DNAJC1: variants seen among roughly 807,000 people sequenced by gnomAD.
DNAJC1 encodes the protein dnaJ homolog subfamily C member 1.
A neutral mutation model predicts 76.6 loss-of-function variants in DNAJC1; 58 were observed. The observed-to-expected ratio is 0.76, with a 90% CI of 0.61 to 0.94. The LOEUF (loss-of-function observed/expected upper bound fraction) is 0.94, where lower values mean the gene tolerates loss of function less well. DNAJC1 is among the 40% of genes least tolerant of loss of function. The pLI is 0.00. For synonymous variants in DNAJC1, 258 were observed against 267.9 expected, an observed-to-expected ratio of 0.96 and a Z score of 0.36; for missense variants, 689 against 677.3, an observed-to-expected ratio of 1.02 and a Z score of -0.19.
chr10:21,759,314 GCT>G lies in DNAJC1; in HGVS notation c.1450_1451del (p.Ser484ProfsTer34). The G allele has an allele frequency of 6.2e-7, 1 of 1,614,222 alleles. No homozygotes were observed. The highest frequency in any genetic ancestry group is 8.5e-7 in the Non-Finnish European group (1 of 1,180,048). On this transcript the variant is annotated frameshift_variant, in exon 11 of 12. Coordinates refer to ENST00000376980, the MANE Select transcript of DNAJC1 (RefSeq NM_022365.4). LOFTEE classifies it high-confidence loss of function. ...CAGACCGAGCTCTCTCTTTTCTCAG[GCT>G]CTCCTCGTCGCTGGACTCGTTTTGT... ...AEQNESSDEE[S>X]LRKERARSAE...
At chr10:21,833,835 C>T (rs953789716) in intron 8 of DNAJC1, among the ~76,000 whole-genome samples, 31 of 152,190 alleles carry the variant, frequency 2.0e-4, no homozygotes, top group Non-Finnish European at 3.4e-4. Flanking sequence ...AAAATTACCA[C>T]CAACAAAATA....
At chr10:21,763,210 C>T (rs541646414) in intron 10 of DNAJC1, among the ~76,000 whole-genome samples, 3 of 152,300 alleles carry the variant, frequency 2.0e-5, no homozygotes, top group South Asian at 2.1e-4. Flanking sequence ...GGATTACAGG[C>T]GTGAGGCACC....
chr10:21,757,887 T>A (rs1236922727), intron 11 of DNAJC1, among the ~76,000 whole-genome samples: 2 of 152,116 alleles, frequency 1.3e-5, no homozygotes, highest in African/African-American at 4.8e-5. Context: ...GCCCCCCAGG[T>A]ATGAGTTTCT....
intron 1 of DNAJC1, among the ~76,000 whole-genome samples, chr10:21,951,097 G>A (rs1048187136): frequency 2.0e-5 from 3 of 152,110 alleles, no homozygotes; most frequent in Non-Finnish European, 2.9e-5. Context: ...CAAGGCAGGC[G>A]GATCACAAAG....
At chr10:21,882,830 T>TA (rs1036781384) in intron 7 of DNAJC1, among the ~76,000 whole-genome samples, 5 of 152,034 alleles carry the variant, frequency 3.3e-5, no homozygotes, top group African/African-American at 1.2e-4. Flanking sequence ...TTCTCATCTA[T>TA]AAAAAAAACC....
rs577699413 is a variant in DNAJC1, at chr10:21,850,185, G to A, written c.978+32097C>T. Among the ~76,000 whole-genome samples, 111 of 152,146 alleles carry A rather than the reference G, an allele frequency of 7.3e-4. 1 individual carries two copies. The highest frequency in any genetic ancestry group is 2.3e-3 in the African/African-American group (95 of 41,524). ...GGAAGGAAAAAGTAAAATTATCTCC[G>A]TTCACAGATATCATCTGATATGTAG... On this transcript the variant is annotated intron_variant, in intron 8 of 11. Coordinates refer to ENST00000376980, the MANE Select transcript of DNAJC1 (RefSeq NM_022365.4).
intron 1 of DNAJC1, among the ~76,000 whole-genome samples, chr10:21,976,000 A>G (rs763612926): frequency 2.6e-5 from 4 of 152,172 alleles, no homozygotes; most frequent in Non-Finnish European, 5.9e-5. Context: ...GGGCAAAAAT[A>G]TAATAGGGAA....
At chr10:21,771,504 C>CG (rs1834376920) in intron 9 of DNAJC1, among the ~76,000 whole-genome samples, 1 of 146,318 alleles carries the variant, frequency 6.8e-6, no homozygotes, top group African/African-American at 2.5e-5. Context: ...TTGTCAAACA[C>CG]TTTTTTTTTT....
At chr10:21,844,845 C>T (rs983574361) in intron 8 of DNAJC1, among the ~76,000 whole-genome samples, 2 of 152,112 alleles carry the variant, frequency 1.3e-5, no homozygotes, top group East Asian at 3.9e-4. Flanking sequence ...CCAGCCTTGG[C>T]AACATAAGAG....
At chr10:21,774,769 G>A (rs1040456613) in intron 9 of DNAJC1, among the ~76,000 whole-genome samples, 3 of 152,172 alleles carry the variant, frequency 2.0e-5, no homozygotes, top group East Asian at 1.9e-4. Flanking sequence ...GAGCCACCGC[G>A]CCCGGCCTAA....
intron 1 of DNAJC1, among the ~76,000 whole-genome samples, chr10:21,993,783 A>G (rs529569410): frequency 1.1e-4 from 16 of 152,152 alleles, no homozygotes; most frequent in Non-Finnish European, 2.1e-4. Flanking sequence ...GAATACTATC[A>G]TGATCTTTGT....
intron 8 of DNAJC1, among the ~76,000 whole-genome samples, chr10:21,831,194 C>G (rs1022988918): frequency 1.3e-5 from 2 of 152,020 alleles, no homozygotes; most frequent in Non-Finnish European, 2.9e-5. Context: ...TTGCTCTGGC[C>G]TCTGTCAGGT....
At chr10:21,770,323 C>G (rs1834357444) in intron 9 of DNAJC1, among the ~76,000 whole-genome samples, 1 of 151,584 alleles carries the variant, frequency 6.6e-6, no homozygotes, top group African/African-American at 2.4e-5. Context: ...AATATCTATT[C>G]ATATCCTGTA....
At chr10:21,995,118 G>A (rs1487829664) in intron 1 of DNAJC1, among the ~76,000 whole-genome samples, 2 of 151,906 alleles carry the variant, frequency 1.3e-5, no homozygotes, top group South Asian at 2.1e-4. Flanking sequence ...TTTTCTAAAA[G>A]TCAGAGGTTT....
At chr10:21,849,451 G>C (rs1393463631) in intron 8 of DNAJC1, among the ~76,000 whole-genome samples, 3 of 150,944 alleles carry the variant, frequency 2.0e-5, no homozygotes, top group Non-Finnish European at 4.4e-5. Context: ...ATAGAGAACA[G>C]ATAAATAATA....
chr10:21,899,698 G>A (rs755995136), intron 7 of DNAJC1, among the ~76,000 whole-genome samples: 2 of 152,234 alleles, frequency 1.3e-5, no homozygotes, highest in African/African-American at 4.8e-5. Flanking sequence ...CTGATCTGTT[G>A]AGGACGGGAA....
chr10:21,806,501 GCT>G (rs774817518), intron 8 of DNAJC1, among the ~76,000 whole-genome samples: 4 of 151,228 alleles, frequency 2.6e-5, no homozygotes, highest in African/African-American at 9.7e-5. Context: ...CTATTAAAGG[GCT>G]CTCTCTTTTT....
chr10:21,832,709 G>A (rs117581091), intron 8 of DNAJC1, among the ~76,000 whole-genome samples: 3,001 of 152,096 alleles, frequency 0.02, 57 homozygotes, highest in Middle Eastern at 0.061. Flanking sequence ...TAAGACTATT[G>A]CAAAAATCTT....
chr10:21,975,947 G>A (rs1838054766), intron 1 of DNAJC1, among the ~76,000 whole-genome samples: 1 of 152,088 alleles, frequency 6.6e-6, no homozygotes. Context: ...GTTTCTTCTA[G>A]ATAAATTATG....
Sources: gnomAD v4.1 joint callset for allele counts (sites outside exome capture counted in the v4.1 genomes callset) on GRCh38, gnomAD v4.1.1 for gene constraint, MANE v1.5 for transcripts, NCBI Gene and HGNC (gene_info 2026-07-23, HGNC 2026-07-21) for gene names.